ETS1: variants seen among roughly 807,000 people sequenced by gnomAD.
The protein encoded by ETS1 is ETS proto-oncogene 1, transcription factor, also known as protein C-ets-1.
ETS1 carries 15 observed loss-of-function variants against 58.6 expected under a neutral mutation model. The ratio of observed to expected loss-of-function variants is 0.26; its 90% confidence interval spans 0.17 to 0.39. The LOEUF is 0.39. ETS1 is among the 10% of genes least tolerant of loss of function. The probability of loss-of-function intolerance (pLI) is 1.00; values close to 1 mark genes in which losing one functional copy is unlikely to be tolerated. For synonymous variants in ETS1, 214 were observed against 218.2 expected (o/e 0.98, Z 0.17); for missense variants, 417 against 610.5 (o/e 0.68, Z 3.34).
At chr11:128,488,801 C>T (rs1193066829) in intron 5 of ETS1, among the ~76,000 whole-genome samples, 1 of 152,124 alleles carries the variant, frequency 6.6e-6, no homozygotes, top group African/African-American at 2.4e-5. Context: ...TGCACTACTG[C>T]AATTCCAATT....
At chr11:128,572,256 G>GAAAAAA (rs1294741466) in intron 2 of ETS1, 1 of 92,600 alleles carries the variant, frequency 1.1e-5, no homozygotes, top group African/African-American at 3.9e-5. Flanking sequence ...CTGAGTGACA[G>GAAAAAA]AAAAAAAAAA....
At chr11:128,570,356 G>A (rs1864601441) in intron 2 of ETS1, among the ~76,000 whole-genome samples, 1 of 151,312 alleles carries the variant, frequency 6.6e-6, no homozygotes, top group South Asian at 2.1e-4. Flanking sequence ...TCATGCCACA[G>A]CCTCCTGAGT....
intron 3 of ETS1, among the ~76,000 whole-genome samples, chr11:128,547,558 C>T (rs1342802877): frequency 6.6e-6 from 1 of 152,100 alleles, no homozygotes; most frequent in Non-Finnish European, 1.5e-5. Context: ...ATTTCTGCCT[C>T]TCAGGCACTA....
At chr11:128,497,264 A>G (rs980074312) in intron 3 of ETS1, among the ~76,000 whole-genome samples, 1 of 152,202 alleles carries the variant, frequency 6.6e-6, no homozygotes, top group Non-Finnish European at 1.5e-5. Context: ...GCACACAGTC[A>G]CTAGGGAAAG....
intron 8 of ETS1, among the ~76,000 whole-genome samples, chr11:128,469,693 A>G (rs1862133587): frequency 6.6e-6 from 1 of 152,232 alleles, no homozygotes; most frequent in Admixed American, 6.5e-5. Flanking sequence ...CCTGAGGATG[A>G]ATAACTCAAG....
rs1370944484 is a variant in ETS1, at chr11:128,463,280, G to A, written c.1242+229C>T. ...CTGACCTACTGCCAGGCACGTTAATGCCTTCTATCAGCTAATCCTGTAAGA... is the reference window on the plus strand; with the variant it reads ...CTGACCTACTGCCAGGCACGTTAATACCTTCTATCAGCTAATCCTGTAAGA... On this transcript the variant is annotated intron_variant, in intron 9 of 9. Coordinates refer to ENST00000392668, the MANE Select transcript of ETS1 (RefSeq NM_001143820.2). The surrounding 1 kb of genome is among the most constrained non-coding windows in gnomAD (Gnocchi z 4.1). 6.6e-6 allele frequency among the ~76,000 whole-genome samples: 1 copy of A among 152,218 alleles called. No homozygotes were observed. Among genetic ancestry groups the A allele is most frequent in the East Asian group, 1.9e-4 (1 of 5,200 alleles).
In ETS1 at chr11:128,506,320, G is replaced by C. The variant is rs563935981; in HGVS notation, c.215-15744C>G. Among the ~76,000 whole-genome samples, 14 of 152,302 alleles carry C rather than the reference G, an allele frequency of 9.2e-5. No homozygotes were observed. The South Asian group carries it at 2.3e-3, about 25-fold the overall frequency. On this transcript the variant is annotated intron_variant, in intron 3 of 9. Transcript: ENST00000392668. ...TTTAAAAAAAAGTAAATGTTAGAGAGAGAAAGAGCTACTGGCCCACTGCTA... is the reference window on the plus strand; with the variant it reads ...TTTAAAAAAAAGTAAATGTTAGAGACAGAAAGAGCTACTGGCCCACTGCTA...
chr11:128,585,198 GAAA>G (rs1864999490), intron 1 of ETS1, among the ~76,000 whole-genome samples: 1 of 53,112 alleles, frequency 1.9e-5, no homozygotes, highest in South Asian at 5.4e-4. Context: ...AGGAAGGAAA[GAAA>G]GAAAGAAAGA....
intron 8 of ETS1, 138 bp downstream of exon 8, chr11:128,480,053 T>G: frequency 8.5e-7 from 1 of 1,172,342 alleles, no homozygotes; most frequent in East Asian, 2.6e-5. Flanking sequence ...ACTAAAGAAT[T>G]CTTAGAGAGA....
chr11:128,559,778 T>A (rs1446347527), intron 2 of ETS1, among the ~76,000 whole-genome samples: 4 of 152,208 alleles, frequency 2.6e-5, no homozygotes, highest in African/African-American at 7.2e-5. Context: ...CCAGTTCCAA[T>A]TCATTATGAA....
At chr11:128,499,907 C>T (rs1863042151) in intron 3 of ETS1, among the ~76,000 whole-genome samples, 2 of 152,052 alleles carry the variant, frequency 1.3e-5, no homozygotes, top group Non-Finnish European at 2.9e-5. Flanking sequence ...TCTGGGCAAA[C>T]AAATGGAGTA....
intron 1 of ETS1, among the ~76,000 whole-genome samples, chr11:128,576,116 A>G (rs527862953): frequency 6.6e-6 from 1 of 152,338 alleles, no homozygotes; most frequent in South Asian, 2.1e-4. Flanking sequence ...CTTGGGGAAA[A>G]GCCCTTTGCC....
chr11:128,500,749 G>A (rs1863066296), intron 3 of ETS1, among the ~76,000 whole-genome samples: 1 of 152,048 alleles, frequency 6.6e-6, no homozygotes, highest in Admixed American at 6.5e-5. Context: ...CTCAATATTG[G>A]CAGCCACAGG....
chr11:128,563,329 A>G (rs1864436021), intron 2 of ETS1, among the ~76,000 whole-genome samples: 1 of 152,206 alleles, frequency 6.6e-6, no homozygotes, highest in Non-Finnish European at 1.5e-5. Flanking sequence ...GATGGGCACT[A>G]TGATTTGCCA....
chr11:128,521,875 C>T, intron 3 of ETS1: 1 of 1,561,542 alleles, frequency 6.4e-7, no homozygotes, highest in Non-Finnish European at 8.7e-7. Flanking sequence ...GGCCTCTGGC[C>T]GAGAGCTTGG....
intron 3 of ETS1, among the ~76,000 whole-genome samples, chr11:128,505,626 C>G (rs1458138507): frequency 6.6e-6 from 1 of 152,276 alleles, no homozygotes; most frequent in Non-Finnish European, 1.5e-5. Flanking sequence ...AGTAGCAAGC[C>G]CAAGAGGGTG....
intron 7 of ETS1, among the ~76,000 whole-genome samples, chr11:128,482,526 C>T (rs1356809627): frequency 6.6e-6 from 1 of 152,204 alleles, no homozygotes; most frequent in Admixed American, 6.5e-5. Context: ...AGGAGTCCCA[C>T]TAAGCAAGGG....
intron 5 of ETS1, among the ~76,000 whole-genome samples, chr11:128,486,477 T>C (rs760501582): frequency 1.1e-4 from 16 of 152,234 alleles, no homozygotes; most frequent in Non-Finnish European, 2.1e-4. Context: ...GACCACACTA[T>C]AGCCAAAGGC....
intron 3 of ETS1, among the ~76,000 whole-genome samples, chr11:128,521,699 C>A (rs980199713): frequency 6.6e-6 from 1 of 152,222 alleles, no homozygotes; most frequent in African/African-American, 2.4e-5. Context: ...ATAAATACCA[C>A]CCCCCAAACC....
Sources: allele counts gnomAD v4.1 joint callset (sites outside exome capture counted in the v4.1 genomes callset), GRCh38; gene constraint gnomAD v4.1.1; non-coding constraint Gnocchi (gnomAD v3.1); transcripts MANE v1.5; gene names NCBI Gene and HGNC (gene_info 2026-07-23, HGNC 2026-07-21).